Variants in MTUS1 observed in about 807,000 individuals in gnomAD.
MTUS1 encodes microtubule-associated tumor suppressor 1.
MTUS1 carries 109 observed loss-of-function variants against 120.8 expected under a neutral mutation model. The observed-to-expected ratio is 0.90, with a 90% CI of 0.77 to 1.06. The LOEUF is 1.06. Among genes scored for constraint, MTUS1 ranks in the 50% least tolerant of loss-of-function variants. The pLI is 0.00. For synonymous variants in MTUS1, 737 were observed against 550.5 expected, an observed-to-expected ratio of 1.34 and a Z score of -4.74; for missense variants, 2,210 against 1,486.3, an observed-to-expected ratio of 1.49 and a Z score of -8.01.
intron 6 of MTUS1, 109 bp from the exon 7 acceptor site, chr8:17,684,651 A>G (rs1385545093): frequency 1.1e-5 from 9 of 855,998 alleles, no homozygotes; most frequent in Non-Finnish European, 1.7e-5. Flanking sequence ...CATTTAAGTT[A>G]TGTTGCTGTA....
intron 10 of MTUS1, 78 bp downstream of exon 10, chr8:17,654,483 T>C (rs1807759684): frequency 9.6e-7 from 1 of 1,041,202 alleles, no homozygotes; most frequent in South Asian, 1.3e-5. Context: ...CAGGAAGTTA[T>C]GAATCATTTC....
intron 8 of MTUS1, among the ~76,000 whole-genome samples, chr8:17,673,377 T>C (rs1386960118): frequency 6.6e-6 from 1 of 152,176 alleles, no homozygotes; most frequent in Non-Finnish European, 1.5e-5. Flanking sequence ...GACTGATGTC[T>C]TGGCTAGGTA....
intron 8 of MTUS1, among the ~76,000 whole-genome samples, chr8:17,659,268 C>T (rs934564554): frequency 6.6e-6 from 1 of 152,166 alleles, no homozygotes; most frequent in Non-Finnish European, 1.5e-5. Context: ...GAAGAGACAA[C>T]AGACAGAGGA....
At chr8:17,657,799 C>CAAAAA (rs1216051789) in intron 8 of MTUS1, among the ~76,000 whole-genome samples, 1 of 91,260 alleles carries the variant, frequency 1.1e-5, no homozygotes, top group African/African-American at 4.5e-5. Flanking sequence ...GACCCTATCT[C>CAAAAA]AAAAAAAAAA....
At chr8:17,723,380 A>G in intron 4 of MTUS1, 1 of 435,398 alleles carries the variant, frequency 2.3e-6, no homozygotes, top group South Asian at 2.5e-5. Context: ...TTCTGATTCC[A>G]GTTAGAGTCC....
At chr8:17,710,137 A>G (rs912407258) in intron 6 of MTUS1, among the ~76,000 whole-genome samples, 4 of 152,150 alleles carry the variant, frequency 2.6e-5, no homozygotes, top group East Asian at 1.9e-4. Flanking sequence ...CTGCTGACTG[A>G]CTGATTAGGG....
chr8:17,682,088 TC>T (rs1814648283), intron 7 of MTUS1, among the ~76,000 whole-genome samples: 1 of 152,086 alleles, frequency 6.6e-6, no homozygotes, highest in African/African-American at 2.4e-5. Flanking sequence ...ACTGGACACA[TC>T]AGCTGTAGAT....
At position 17,667,866 on chromosome 8, in the gene MTUS1, G is replaced by A. The variant is rs546326111; in HGVS notation, c.2905+7320C>T. Among the ~76,000 whole-genome samples, 219 of 152,234 alleles carry A rather than the reference G, an allele frequency of 1.4e-3. 1 individual carries two copies. Among genetic ancestry groups the A allele is most frequent in the Non-Finnish European group, 2.5e-3 (172 of 68,006 alleles). ...AGAAGTAGACTGAGAGCTGAACATT[G>A]TTTGTTAGGGATGAGTAGGCACCAA... is the stretch of plus-strand genomic sequence containing the variant. On this transcript the variant is annotated intron_variant, in intron 8 of 14. Transcript: ENST00000693296.
At chr8:17,651,576 T>C (rs1010120401) in intron 12 of MTUS1, 1 of 152,070 alleles carries the variant, frequency 6.6e-6, no homozygotes, top group African/African-American at 2.4e-5. Context: ...TACCTCATTT[T>C]TGTTAGAGGG....
intron 1 of MTUS1, among the ~76,000 whole-genome samples, chr8:17,768,590 C>T (rs1213865950): frequency 6.6e-6 from 1 of 152,064 alleles, no homozygotes; most frequent in Non-Finnish European, 1.5e-5. Flanking sequence ...TCCCTACCCA[C>T]CCTCAAAGCC....
chr8:17,696,971 G>C (rs970742908), intron 6 of MTUS1, among the ~76,000 whole-genome samples: 2 of 152,172 alleles, frequency 1.3e-5, no homozygotes, highest in African/African-American at 4.8e-5. Context: ...AACAGGTGCT[G>C]ATTTTCACAC....
intron 6 of MTUS1, among the ~76,000 whole-genome samples, chr8:17,709,268 A>G (rs1206628247): frequency 1.3e-5 from 2 of 152,108 alleles, no homozygotes; most frequent in Non-Finnish European, 2.9e-5. Flanking sequence ...ATGTAATGTT[A>G]TCCCACCCTG....
rs756783268 is a variant in MTUS1 at position 17,767,909 on chromosome 8, G to C, written c.-154-11948C>G. 1.3e-4 allele frequency among the ~76,000 whole-genome samples: 20 copies of C among 152,092 alleles called. 1 individual carries two copies. The highest frequency in any genetic ancestry group is 4.1e-4 in the South Asian group (2 of 4,830). ...CTAAAGGTGGAAGATGTCCTAGTGA[G>C]GAGAGACTAGACGCACGAAACTGCT... On this transcript the variant is annotated intron_variant, in intron 1 of 14. Transcript: ENST00000693296.
At chr8:17,736,205 T>C (rs187121579) in intron 3 of MTUS1, among the ~76,000 whole-genome samples, 392 of 152,338 alleles carry the variant, frequency 2.6e-3, no homozygotes, top group African/African-American at 8.6e-3. Flanking sequence ...CAAGTAAGAA[T>C]TGTGTGAAAC....
chr8:17,773,925 C>G (rs1177608793), intron 1 of MTUS1, among the ~76,000 whole-genome samples: 2 of 152,060 alleles, frequency 1.3e-5, no homozygotes, highest in Non-Finnish European at 2.9e-5. Flanking sequence ...CCACAGCACA[C>G]TATATAAAAA....
intron 6 of MTUS1, chr8:17,692,188 C>G (rs1310464110): frequency 6.6e-6 from 1 of 152,180 alleles, no homozygotes; most frequent in African/African-American, 2.4e-5. Flanking sequence ...GCTCTTATAA[C>G]ATTTTATACC....
intron 1 of MTUS1, among the ~76,000 whole-genome samples, chr8:17,762,278 CAAAAACAAAA>C (rs1298679177): frequency 5.3e-5 from 8 of 152,078 alleles, no homozygotes; most frequent in Non-Finnish European, 1.0e-4. Flanking sequence ...GACTTTGTCT[CAAAAACAAAA>C]CAAAACAAAA....
chr8:17,755,146 G>T lies in MTUS1; in HGVS notation c.662C>A (p.Thr221Asn), dbSNP rs1310033307. 1 of 1,613,986 alleles carries T rather than the reference G, an allele frequency of 6.2e-7. No homozygotes were observed. Among genetic ancestry groups the T allele is most frequent in the African/African-American group, 1.3e-5 (1 of 74,898 alleles). The stretch of plus-strand genomic sequence containing the variant: ...TTCAAAGCTTTCTCTATCATAAGTA[G>T]TTTCTCTTGCATGCGTCTTATCAGA... ...SHSDKTHARE[T>N]TYDRESFENP... Residue 221 changes from threonine (T) to asparagine (N), a missense_variant, in exon 2 of 15, where the codon ACT becomes AAT. Physicochemically the swap from Thr to Asn is moderately conservative, Grantham distance 65 (BLOSUM62 0). Coordinates refer to ENST00000693296, the MANE Select transcript of MTUS1 (RefSeq NM_001363059.2).
Position 17,753,986 on chromosome 8 carries a change from C to A in MTUS1, c.1822G>T (p.Val608Leu). 1.9e-6 allele frequency: 3 copies of A among 1,614,190 alleles called. No homozygotes were observed. The highest frequency in any genetic ancestry group is 2.5e-6 in the Non-Finnish European group (3 of 1,180,040). ...TCAACATCTTCCTGATTCGATTTCA[C>A]GGCAGATGTTGTTCTTGGAACCCTG... ...SHRVPRTTSAVKSNQEDVDKA... is the reference protein window; with the variant it reads ...SHRVPRTTSALKSNQEDVDKA... The change falls in exon 2 of 15, where the codon GTG becomes TTG. Residue 608 changes from valine (V) to leucine (L), a missense_variant. Transcript: ENST00000693296.
Sources: gnomAD v4.1 joint callset for allele counts (sites outside exome capture counted in the v4.1 genomes callset) on GRCh38, gnomAD v4.1.1 for gene constraint, MANE v1.5 for transcripts, NCBI Gene and HGNC (gene_info 2026-07-23, HGNC 2026-07-21) for gene names.